Variants in PCDH18 observed in about 807,000 individuals in gnomAD.
PCDH18 encodes protocadherin 18, also known as protocadherin-18.
PCDH18 carries 38 observed loss-of-function variants against 71.5 expected under a neutral mutation model. The ratio of observed to expected loss-of-function variants is 0.53; its 90% CI spans 0.41 to 0.70. The LOEUF (loss-of-function observed/expected upper bound fraction) is 0.70. PCDH18 is among the 30% of genes least tolerant of loss of function. The pLI is 0.00. For missense variants in PCDH18, 1,334 were observed against 1,384.6 expected (o/e 0.96, Z 0.58); for synonymous variants, 565 against 505.4 (o/e 1.12, Z -1.58).
At position 137,532,235 on chromosome 4, in the gene PCDH18, A is replaced by G. The variant is rs1023375216; in HGVS notation, c.-147T>C. On this transcript the variant is annotated 5_prime_UTR_variant, in exon 1 of 4. Transcript: ENST00000344876. ...ACAGCACAGCAATTAACAGCTCGCA[A>G]ACTTTTGTTTTATACACACCGTGTC... The G allele has an allele frequency of 4.0e-6, 3 of 748,464 alleles. No homozygotes were observed. Among genetic ancestry groups the G allele is most frequent in the Non-Finnish European group, 7.2e-6 (3 of 419,250 alleles). The allele number at this position is 748,464 out of a possible 1,614,324, so 46.4% of individuals were successfully genotyped here.
At position 137,530,034 on chromosome 4, in the gene PCDH18, A is replaced by C. The variant is rs1428332710; in HGVS notation, c.2055T>G (p.Ser685Arg). 1 of 1,614,116 alleles carries C rather than the reference A, an allele frequency of 6.2e-7. No homozygotes were observed. The highest frequency in any genetic ancestry group is 1.7e-5 in the Admixed American group (1 of 60,016). The change falls in exon 1 of 4, where the codon AGT becomes AGG. Residue 685 changes from serine to arginine, a missense_variant. By Grantham distance (110) the Ser-to-Arg change is moderately radical. Transcript: ENST00000344876. ...CCTGGCTTACTGAAGTCATTGCTGT[A>C]CTTGTCACCGACTCTGCATATTCAA... is the stretch of plus-strand genomic sequence containing the variant. ...MIFEYAESVT[S>R]TAMTSVSQAS... is the part of the protein sequence containing the mutation.
At position 137,521,627 on chromosome 4, in the gene PCDH18, G is replaced by A; in HGVS notation, c.2810C>T (p.Pro937Leu). The A allele has an allele frequency of 6.2e-7, 1 of 1,612,960 alleles. No homozygotes were observed. The highest frequency in any genetic ancestry group is 8.5e-7 in the Non-Finnish European group (1 of 1,179,822). The change falls in exon 4 of 4, where the codon CCC becomes CTC. Residue 937 changes from proline to leucine, a missense_variant. This residue lies in a region of PCDH18 where 319 missense variants were observed against 316.3 expected (regional missense o/e 1.01). Coordinates refer to ENST00000344876, the MANE Select transcript of PCDH18 (RefSeq NM_019035.5). ...HSDQCWMPPL[P>L]SPSSDYRSNM... ...ACTCCTATAATCAGAAGACGGTGAG[G>A]GCAGTGGTGGCATCCAGCACTGGTC...
At position 137,521,620 on chromosome 4, in the gene PCDH18, C is replaced by T. The variant is rs367871215; in HGVS notation, c.2817G>A (p.Pro939=). The change falls in exon 4 of 4, where the codon CCG becomes CCA. Residue 939 remains proline, a synonymous_variant. Coordinates refer to ENST00000344876, the MANE Select transcript of PCDH18 (RefSeq NM_019035.5). ...DQCWMPPLPS[P]SSDYRSNMFI... ...ACATGTTACTCCTATAATCAGAAGACGGTGAGGGCAGTGGTGGCATCCAGC... is the reference window on the plus strand; with the variant it reads ...ACATGTTACTCCTATAATCAGAAGATGGTGAGGGCAGTGGTGGCATCCAGC... 61 of 1,613,370 alleles carry T rather than the reference C, an allele frequency of 3.8e-5. No homozygotes were observed. The highest frequency in any genetic ancestry group is 2.0e-4 in the African/African-American group (15 of 74,906).
At position 137,530,299 on chromosome 4, in the gene PCDH18, C is replaced by T; in HGVS notation, c.1790G>A (p.Gly597Asp). ...TGCCCTTATTCTTGTGACATGAAAG[C>T]CACTTTCAGCCCCTTTGGGAATGGT... ...EITIPKGAES[G>D]FHVTRIRAID... is the part of the protein sequence containing the mutation. The change falls in exon 1 of 4, where the codon GGC becomes GAC. Residue 597 changes from glycine (G) to aspartate (D), a missense_variant. Gly to Asp is a moderately conservative substitution (Grantham distance 94). Coordinates refer to ENST00000344876, the MANE Select transcript of PCDH18 (RefSeq NM_019035.5). The T allele has an allele frequency of 1.2e-6, 2 of 1,613,580 alleles. No individual in the cohort carries two copies. Among genetic ancestry groups the T allele is most frequent in the South Asian group, 1.1e-5 (1 of 90,994 alleles).
At position 137,521,597 on chromosome 4, in the gene PCDH18, A is replaced by G. The variant is rs1328497337; in HGVS notation, c.2840T>C (p.Met947Thr). 4.3e-6 allele frequency: 7 copies of G among 1,613,878 alleles called. No individual in the cohort carries two copies. The highest frequency in any genetic ancestry group is 5.1e-6 in the Non-Finnish European group (6 of 1,180,010). Residue 947 changes from methionine (M) to threonine (T), a missense_variant, in exon 4 of 4, where the codon ATG (methionine) becomes ACG (threonine). Met to Thr is a moderately conservative substitution (Grantham distance 81, BLOSUM62 -1). Coordinates refer to ENST00000344876, the MANE Select transcript of PCDH18 (RefSeq NM_019035.5). ...PSPSSDYRSN[M>T]FIPGEEFPTQ... is the part of the protein sequence containing the mutation. ...TGGGAATTCTTCCCCTGGAATGAAC[A>G]TGTTACTCCTATAATCAGAAGACGG...
In PCDH18 at chr4:137,530,552, A is replaced by C. The variant is rs555500558; in HGVS notation, c.1537T>G (p.Ser513Ala). ...TILESFILGS[S>A]ITTYVTIDPS... ...TCAATGGTTACATATGTAGTTATGG[A>C]ACTTCCTAGAATAAAACTCTCCAAG... The change falls in exon 1 of 4, where the codon TCC becomes GCC. Residue 513 changes from serine to alanine, a missense_variant. Ser to Ala is a moderately conservative substitution (Grantham distance 99). Coordinates refer to ENST00000344876, the MANE Select transcript of PCDH18 (RefSeq NM_019035.5). The C allele has an allele frequency of 5.6e-6, 9 of 1,613,928 alleles. No homozygotes were observed. Among genetic ancestry groups the C allele is most frequent in the Non-Finnish European group, 7.6e-6 (9 of 1,179,946 alleles).
At chr4:137,521,732 T>C (rs1367136542) in intron 3 of PCDH18, 36 bp from the exon 4 acceptor site, 1 of 1,465,558 alleles carries the variant, frequency 6.8e-7, no homozygotes, top group Non-Finnish European at 9.2e-7. Context: ...TTCATTATTA[T>C]ACTTAGCACG....
In PCDH18 at chr4:137,532,275, C is replaced by A; in HGVS notation, c.-187G>T. 1 of 705,244 alleles carries A rather than the reference C, an allele frequency of 1.4e-6. No individual in the cohort carries two copies. The highest frequency in any genetic ancestry group is 2.6e-6 in the Non-Finnish European group (1 of 386,800). 43.7% of individuals were successfully genotyped at this position (705,244 alleles called of 1,614,324 possible). A position where few individuals can be genotyped will look rare whatever the true frequency, so the allele number is the denominator to read the frequency against. On this transcript the variant is annotated 5_prime_UTR_variant, in exon 1 of 4. Coordinates refer to ENST00000344876, the MANE Select transcript of PCDH18 (RefSeq NM_019035.5). ...CACACCGTGTCACGACTTCCAGATA[C>A]CTTCGGCATGGAGTCCAGTCCTTGC...
chr4:137,527,366 T>C (rs1731498965), intron 3 of PCDH18, among the ~76,000 whole-genome samples: 1 of 152,224 alleles, frequency 6.6e-6, no homozygotes, highest in Non-Finnish European at 1.5e-5. Flanking sequence ...ATAGTTGTTA[T>C]ACTGTATTGT....
chr4:137,528,596 G>A lies in PCDH18; in HGVS notation c.2622C>T (p.Gly874=). 2 of 1,613,766 alleles carry A rather than the reference G, an allele frequency of 1.2e-6. No individual in the cohort carries two copies. Among genetic ancestry groups the A allele is most frequent in the East Asian group, 2.2e-5 (1 of 44,866 alleles). ...TGTCTCCTGCCTCACTGTCACCACG[G>A]CCACTGTCTTTCAAGCTAAATTTGT... is the stretch of plus-strand genomic sequence containing the variant. The part of the protein sequence containing the change: ...DMDKFSLKDS[G]RGDSEAGDSD... The change falls in exon 3 of 4, where the codon GGC becomes GGT. Residue 874 remains glycine (G), a synonymous_variant. Transcript: ENST00000344876.
Position 137,530,682 on chromosome 4 carries a change from T to C in PCDH18, c.1407A>G (p.Arg469=). Residue 469 remains arginine (R), a synonymous_variant, in exon 1 of 4, where the codon CGA becomes CGG. Coordinates refer to ENST00000344876, the MANE Select transcript of PCDH18 (RefSeq NM_019035.5). ...TATTTTCTGAAATTACAAATTCATA[T>C]CGGCTTCTCTGGAAGTGGGGTGGAT... is the stretch of plus-strand genomic sequence containing the variant. The part of the protein sequence containing the change: ...NDNPPHFQRS[R]YEFVISENNS... 2 of 1,613,096 alleles carry C rather than the reference T, an allele frequency of 1.2e-6. No homozygotes were observed. Among genetic ancestry groups the C allele is most frequent in the South Asian group, 1.1e-5 (1 of 90,966 alleles).
At chr4:137,528,075 C>T (rs144259812) in intron 3 of PCDH18, among the ~76,000 whole-genome samples, 1,525 of 152,204 alleles carry the variant, frequency 0.01, 16 homozygotes, top group South Asian at 0.021. Context: ...AATTACAGTC[C>T]GGTTCACCAC....
Position 137,528,761 on chromosome 4 carries a change from A to T in PCDH18, c.2547T>A (p.Phe849Leu). Residue 849 changes from phenylalanine to leucine, a missense_variant, in exon 2 of 4, where the codon TTT (phenylalanine) becomes TTA (leucine). This residue lies in a region of PCDH18 where 1,011 missense variants were observed against 1,048.0 expected (regional missense o/e 0.96). Coordinates refer to ENST00000344876, the MANE Select transcript of PCDH18 (RefSeq NM_019035.5). ...HQGQYQPRPS[F>L]RGNKYSRSYR... ...AGCTCCTGGAATATTTGTTTCCTCG[A>T]AAACTTGGTCTTGGCTGATATTGCC... 6.2e-7 allele frequency: 1 copy of T among 1,613,762 alleles called. No individual in the cohort carries two copies.
Position 137,521,532 on chromosome 4 carries a change from C to G in PCDH18, c.2905G>C (p.Asp969His). ...QQQHPHQSLE[D>H]DAQPADSGEK... is the part of the protein sequence containing the mutation. ...CCGGAATCTGCAGGCTGAGCGTCAT[C>G]CTCAAGACTCTGATGTGGATGCTGC... The change falls in exon 4 of 4, where the codon GAT (aspartate) becomes CAT (histidine). Residue 969 changes from aspartate to histidine, a missense_variant. By Grantham distance (81) the Asp-to-His change is moderately conservative. This residue lies in a region of PCDH18 where 319 missense variants were observed against 316.3 expected (regional missense o/e 1.01). Transcript: ENST00000344876. The G allele has an allele frequency of 1.9e-6, 3 of 1,614,116 alleles. No individual in the cohort carries two copies. Among genetic ancestry groups the G allele is most frequent in the Non-Finnish European group, 2.5e-6 (3 of 1,180,046 alleles).
At chr4:137,526,615 G>A (rs1009229062) in intron 3 of PCDH18, among the ~76,000 whole-genome samples, 1 of 152,076 alleles carries the variant, frequency 6.6e-6, no homozygotes, top group Non-Finnish European at 1.5e-5. Context: ...CACCATGACT[G>A]TGCAAACAGG....
Position 137,521,371 on chromosome 4 carries a change from G to C in PCDH18, c.3066C>G (p.Thr1022=). The C allele has an allele frequency of 6.2e-7, 1 of 1,614,156 alleles. No individual in the cohort carries two copies. Among genetic ancestry groups the C allele is most frequent in the African/African-American group, 1.3e-5 (1 of 75,044 alleles). The stretch of plus-strand genomic sequence containing the variant: ...GATCCACCTCACTGCATTCAGAATA[G>C]GTGTCCAGGGAAGGCGGTAAGAGAC... ...FQRLLPPSLD[T]YSECSEVDRS... The change falls in exon 4 of 4, where the codon ACC becomes ACG. Residue 1022 remains threonine, a synonymous_variant. Coordinates refer to ENST00000344876, the MANE Select transcript of PCDH18 (RefSeq NM_019035.5).
chr4:137,522,093 G>A (rs543160314), intron 3 of PCDH18, among the ~76,000 whole-genome samples: 6 of 152,134 alleles, frequency 3.9e-5, no homozygotes, highest in Non-Finnish European at 8.8e-5. Context: ...TAATTCTTGT[G>A]TAATACATAC....
Position 137,532,114 on chromosome 4 carries a change from C to T in PCDH18, c.-26G>A, listed in dbSNP as rs1731734959. On this transcript the variant is annotated 5_prime_UTR_variant, in exon 1 of 4. In the 5' UTR this introduces an upstream ATG that the reference lacks. Transcript: ENST00000344876. ...TGGTCAGTTTATGAGATTTCCCTCA[C>T]AGAGCAAGTTAAAACAGCAAAGCAA... 20 of 1,573,406 alleles carry T rather than the reference C, an allele frequency of 1.3e-5. No homozygotes were observed. The highest frequency in any genetic ancestry group is 1.7e-5 in the Admixed American group (1 of 59,582).
At position 137,526,720 on chromosome 4, in the gene PCDH18, G is replaced by T. The variant is rs367943965; in HGVS notation, c.2740+1758C>A. On this transcript the variant is annotated intron_variant, in intron 3 of 3. Coordinates refer to ENST00000344876, the MANE Select transcript of PCDH18 (RefSeq NM_019035.5). The stretch of plus-strand genomic sequence containing the variant: ...TATAGCATCTATTACTGTGATAACA[G>T]AATTAAATAATCAACATTTAATAGT... Among the ~76,000 whole-genome samples the T allele has an allele frequency of 7.9e-5, 12 of 152,112 alleles. No homozygotes were observed. The East Asian group carries it at 9.7e-4, about 12-fold the overall frequency.
Sources: allele counts gnomAD v4.1 joint callset (sites outside exome capture counted in the v4.1 genomes callset), GRCh38; gene constraint gnomAD v4.1.1; regional missense constraint gnomAD v4.1.1; transcripts MANE v1.5; gene names NCBI Gene and HGNC (gene_info 2026-07-23, HGNC 2026-07-21).